DCLK1: variants seen among roughly 807,000 people sequenced by gnomAD.
DCLK1 encodes the protein serine/threonine-protein kinase DCLK1.
DCLK1 carries 16 observed loss-of-function variants against 86.2 expected under a neutral mutation model. The observed-to-expected ratio is 0.19, with a 90% confidence interval of 0.13 to 0.28. The LOEUF is 0.28. Ranked by LOEUF, DCLK1 falls within the 10% of genes least tolerant of loss-of-function variation. The pLI is 1.00. For missense variants in DCLK1, 590 were observed against 940.2 expected (o/e 0.63, Z 4.87); for synonymous variants, 369 against 370.5 (o/e 1.00, Z 0.05).
chr13:35,958,539 TAC>T (rs1878276857), intron 3 of DCLK1, among the ~76,000 whole-genome samples: 1 of 147,750 alleles, frequency 6.8e-6, no homozygotes, highest in East Asian at 2.1e-4. Context: ...TAACTACCAA[TAC>T]CACCACCACC....
At chr13:35,895,533 T>C (rs2153120529) in intron 4 of DCLK1, among the ~76,000 whole-genome samples, 1 of 152,290 alleles carries the variant, frequency 6.6e-6, no homozygotes, top group South Asian at 2.1e-4. Flanking sequence ...GCTAATCTTA[T>C]TCCCACTTCT....
intron 4 of DCLK1, among the ~76,000 whole-genome samples, chr13:35,874,955 T>A (rs1032012212): frequency 6.6e-6 from 1 of 152,214 alleles, no homozygotes; most frequent in Non-Finnish European, 1.5e-5. Context: ...TGCTTCCTCG[T>A]ACATTTTTAT....
intron 8 of DCLK1, among the ~76,000 whole-genome samples, chr13:35,834,931 G>A (rs1042776888): frequency 3.3e-5 from 5 of 152,196 alleles, no homozygotes; most frequent in African/African-American, 1.2e-4. Context: ...AGCTGGGGAA[G>A]CAGCTTCCAA....
chr13:35,986,186 C>A (rs1879894383), intron 3 of DCLK1, among the ~76,000 whole-genome samples: 1 of 151,492 alleles, frequency 6.6e-6, no homozygotes, highest in Non-Finnish European at 1.5e-5. Flanking sequence ...CCTGTAATCC[C>A]AGCTACTCAG....
At chr13:36,117,705 C>A (rs1885838076) in intron 2 of DCLK1, among the ~76,000 whole-genome samples, 1 of 152,150 alleles carries the variant, frequency 6.6e-6, no homozygotes, top group South Asian at 2.1e-4. Context: ...TTAAAAACAA[C>A]CTCCTAAATC....
At chr13:36,011,815 T>A (rs1252764225) in intron 3 of DCLK1, among the ~76,000 whole-genome samples, 6 of 149,440 alleles carry the variant, frequency 4.0e-5, no homozygotes, top group African/African-American at 1.5e-4. Context: ...CTGTCTAATG[T>A]TGACAGTGGG....
At chr13:36,005,526 G>C (rs1880909537) in intron 3 of DCLK1, among the ~76,000 whole-genome samples, 2 of 152,170 alleles carry the variant, frequency 1.3e-5, no homozygotes, top group Non-Finnish European at 2.9e-5. Context: ...AATCTAAAAA[G>C]ATGGGAACAT....
chr13:36,019,042 A>G (rs1429437143), intron 3 of DCLK1, among the ~76,000 whole-genome samples: 2 of 152,184 alleles, frequency 1.3e-5, no homozygotes, highest in African/African-American at 4.8e-5. Context: ...CTTTGCATCT[A>G]ATTGGCATGC....
chr13:35,947,047 GA>G (rs372977251), intron 4 of DCLK1, among the ~76,000 whole-genome samples: 7 of 150,140 alleles, frequency 4.7e-5, no homozygotes, highest in East Asian at 1.9e-4. Context: ...TAAAAACCGT[GA>G]AAAAAAAATT....
intron 3 of DCLK1, among the ~76,000 whole-genome samples, chr13:36,061,242 G>A (rs549334062): frequency 6.6e-6 from 1 of 152,294 alleles, no homozygotes; most frequent in East Asian, 1.9e-4. Flanking sequence ...CTTAAACTGA[G>A]AACTGGCATT....
At chr13:35,812,968 C>T (rs2087179857) in intron 11 of DCLK1, among the ~76,000 whole-genome samples, 1 of 152,218 alleles carries the variant, frequency 6.6e-6, no homozygotes, top group South Asian at 2.1e-4. Flanking sequence ...AGCTGCAAAA[C>T]ACAACATCGG....
intron 3 of DCLK1, among the ~76,000 whole-genome samples, chr13:36,101,472 A>C (rs1189959458): frequency 6.6e-6 from 1 of 152,200 alleles, no homozygotes; most frequent in Non-Finnish European, 1.5e-5. Context: ...GCTAAAACTA[A>C]TGTTTAATGC....
intron 8 of DCLK1, among the ~76,000 whole-genome samples, chr13:35,834,320 T>C (rs1339241719): frequency 3.3e-5 from 5 of 152,210 alleles, no homozygotes; most frequent in Non-Finnish European, 7.3e-5. Context: ...GTCTTATTTG[T>C]ACAGGGCCAA....
intron 3 of DCLK1, among the ~76,000 whole-genome samples, chr13:36,038,480 T>C (rs1296587850): frequency 6.6e-6 from 1 of 152,240 alleles, no homozygotes; most frequent in Non-Finnish European, 1.5e-5. Context: ...GGCAGAACTT[T>C]AAGTCAAGAT....
intron 3 of DCLK1, among the ~76,000 whole-genome samples, chr13:36,073,273 C>T (rs1053401961): frequency 6.6e-6 from 1 of 152,174 alleles, no homozygotes; most frequent in African/African-American, 2.4e-5. Context: ...CAGACAACCA[C>T]TAATCTATCT....
intron 4 of DCLK1, among the ~76,000 whole-genome samples, chr13:35,934,771 T>A (rs769289202): frequency 2.7e-4 from 41 of 152,250 alleles, no homozygotes; most frequent in South Asian, 8.3e-4. Flanking sequence ...CTGTTGAGAA[T>A]CCTGATTAAT....
At chr13:35,857,714 T>A (rs1871148325) in intron 5 of DCLK1, among the ~76,000 whole-genome samples, 1 of 152,098 alleles carries the variant, frequency 6.6e-6, no homozygotes, top group African/African-American at 2.4e-5. Context: ...TAACCAACAG[T>A]GAGAGTTGGC....
At chr13:36,081,011 T>C (rs1884402339) in intron 3 of DCLK1, among the ~76,000 whole-genome samples, 2 of 152,126 alleles carry the variant, frequency 1.3e-5, no homozygotes, top group South Asian at 4.1e-4. Flanking sequence ...TTATCTGTCC[T>C]AAAATGTCAA....
chr13:35,952,456 A>C (rs1342112698), intron 3 of DCLK1, among the ~76,000 whole-genome samples: 1 of 152,214 alleles, frequency 6.6e-6, no homozygotes, highest in Non-Finnish European at 1.5e-5. Flanking sequence ...CCACAGAATG[A>C]TGCTGCGAAA....
Sources: allele counts gnomAD v4.1 joint callset (sites outside exome capture counted in the v4.1 genomes callset), GRCh38; gene constraint gnomAD v4.1.1; transcripts MANE v1.5; gene names NCBI Gene and HGNC (gene_info 2026-07-23, HGNC 2026-07-21).